Variants in LAMB4 observed in about 807,000 individuals in gnomAD.
The protein encoded by LAMB4 is laminin subunit beta 4, also known as laminin subunit beta-4.
LAMB4 carries 196 observed loss-of-function variants against 199.2 expected under a neutral mutation model. The ratio of observed to expected loss-of-function variants is 0.98; its 90% CI spans 0.88 to 1.11. LAMB4 has a LOEUF of 1.11. Ranked by LOEUF, LAMB4 falls within the 50% of genes least tolerant of loss-of-function variation. The pLI, the probability that LAMB4 is intolerant of heterozygous loss-of-function variation, is 0.00. For synonymous variants in LAMB4, 744 were observed against 770.6 expected (o/e 0.97, Z 0.57); for missense variants, 2,080 against 2,171.2 (o/e 0.96, Z 0.83).
At chr7:108,066,272 C>A in intron 20 of LAMB4, 97 bp downstream of exon 20, 1 of 920,132 alleles carries the variant, frequency 1.1e-6, no homozygotes. Flanking sequence ...CCCTCCCACA[C>A]TTAAATATTG....
chr7:108,067,660 G>A (rs776978715), intron 19 of LAMB4, among the ~76,000 whole-genome samples: 1 of 152,212 alleles, frequency 6.6e-6, no homozygotes, highest in African/African-American at 2.4e-5. Context: ...TCCAGCCACT[G>A]GGTTTGTGAG....
intron 1 of LAMB4, among the ~76,000 whole-genome samples, chr7:108,128,502 G>A (rs2038873496): frequency 1.3e-5 from 2 of 152,110 alleles, no homozygotes; most frequent in African/African-American, 2.4e-5. Flanking sequence ...CCTTAGCTAT[G>A]GGCCTTATCA....
chr7:108,092,873 C>T (rs1016810905), intron 12 of LAMB4, among the ~76,000 whole-genome samples: 6 of 152,094 alleles, frequency 3.9e-5, no homozygotes, highest in Non-Finnish European at 5.9e-5. Flanking sequence ...CACTGTACTC[C>T]AGCCTGGATG....
rs980318165 is a variant in LAMB4, at chr7:108,052,377, T to C, written c.3756-120A>G. 5.9e-6 allele frequency: 4 copies of C among 677,520 alleles called. No individual in the cohort carries two copies. In the African/African-American group the frequency reaches 7.2e-5, roughly 12 times the overall value. The allele number at this position is 677,520 out of a possible 1,614,324, so 42.0% of individuals were successfully genotyped here. A position where few individuals can be genotyped will look rare whatever the true frequency, so the allele number is the denominator to read the frequency against. ...ATTCTTGATTAGAAGGGATTCCTTC[T>C]ACTCGAGTTTTTCATTTGACGGTTT... is the stretch of plus-strand genomic sequence containing the variant. On this transcript the variant is annotated intron_variant, in intron 25 of 33. Transcript: ENST00000388781.
chr7:108,075,889 G>A, intron 17 of LAMB4: 1 of 163,424 alleles, frequency 6.1e-6, no homozygotes. Context: ...GCACTCAGGA[G>A]GCGGAGGTTG....
intron 1 of LAMB4, among the ~76,000 whole-genome samples, chr7:108,125,661 T>C (rs1322256649): frequency 6.6e-6 from 1 of 152,164 alleles, no homozygotes; most frequent in Non-Finnish European, 1.5e-5. Context: ...CTACAAATGA[T>C]GGGCTAATCT....
At chr7:108,118,494 A>T (rs2150688311) in intron 2 of LAMB4, among the ~76,000 whole-genome samples, 1 of 152,284 alleles carries the variant, frequency 6.6e-6, no homozygotes, top group African/African-American at 2.4e-5. Context: ...TGTCCTACTG[A>T]TTTTTGAGGT....
At chr7:108,028,475 T>A (rs924549886) in intron 33 of LAMB4, among the ~76,000 whole-genome samples, 4 of 143,724 alleles carry the variant, frequency 2.8e-5, no homozygotes, top group Admixed American at 6.9e-5. Context: ...AAAGGGCATT[T>A]TTTTTTTTTT....
chr7:108,070,260 G>T (rs2036488103), intron 17 of LAMB4, among the ~76,000 whole-genome samples: 1 of 152,220 alleles, frequency 6.6e-6, no homozygotes, highest in Non-Finnish European at 1.5e-5. Flanking sequence ...CTAAACCTGT[G>T]CAGATACATC....
At chr7:108,083,409 C>T (rs1346153278) in intron 14 of LAMB4, among the ~76,000 whole-genome samples, 1 of 152,192 alleles carries the variant, frequency 6.6e-6, no homozygotes, top group Non-Finnish European at 1.5e-5. Context: ...TGAGAACCAG[C>T]CATTCTATGG....
chr7:108,092,517 G>A, intron 12 of LAMB4, 101 bp from the exon 13 acceptor site: 5 of 849,244 alleles, frequency 5.9e-6, no homozygotes, highest in Non-Finnish European at 1.0e-5. Context: ...ACGTCAAATA[G>A]CCAAACAGCC....
chr7:108,034,126 A>AT, intron 31 of LAMB4, 82 bp downstream of exon 31: 1 of 1,313,548 alleles, frequency 7.6e-7, no homozygotes, highest in Non-Finnish European at 1.1e-6. Flanking sequence ...TAAAGCAAGC[A>AT]TAGCATTGGC....
chr7:108,127,174 G>A (rs1034011307), intron 1 of LAMB4, among the ~76,000 whole-genome samples: 5 of 119,106 alleles, frequency 4.2e-5, no homozygotes, highest in Non-Finnish European at 9.5e-5. Context: ...AAATCACCAG[G>A]GTTTTTTTTT....
chr7:108,099,346 T>C (rs1207296117), intron 10 of LAMB4, among the ~76,000 whole-genome samples: 1 of 152,168 alleles, frequency 6.6e-6, no homozygotes, highest in Non-Finnish European at 1.5e-5. Flanking sequence ...AACTCAAGGA[T>C]GGTGTGTCAT....
At chr7:108,051,182 T>A (rs1169366120) in intron 26 of LAMB4, among the ~76,000 whole-genome samples, 2 of 152,204 alleles carry the variant, frequency 1.3e-5, no homozygotes, top group Non-Finnish European at 2.9e-5. Flanking sequence ...TCAGAGTAGA[T>A]TCCTTACTCA....
chr7:108,028,759 G>A (rs943912449), intron 33 of LAMB4, among the ~76,000 whole-genome samples: 1 of 152,140 alleles, frequency 6.6e-6, no homozygotes, highest in African/African-American at 2.4e-5. Context: ...TTACAGGTGT[G>A]AGCCACTGTG....
chr7:108,017,645 C>T, the LAMB4 span, among the ~76,000 whole-genome samples: 5 of 152,056 alleles, frequency 3.3e-5, no homozygotes, highest in Admixed American at 6.5e-5. Flanking sequence ...TACAGGAACT[C>T]CAGAAAAAGG....
In LAMB4 at chr7:108,110,588, C is replaced by T. The variant is rs75716418; in HGVS notation, c.328+1223G>A. Among the ~76,000 whole-genome samples, 125 of 152,260 alleles carry T rather than the reference C, an allele frequency of 8.2e-4. No homozygotes were observed. In the East Asian group the frequency reaches 0.02, roughly 24 times the overall value. On this transcript the variant is annotated intron_variant, in intron 4 of 33. Transcript: ENST00000388781. The stretch of plus-strand genomic sequence containing the variant: ...CAGGCTGAGTGTCAAGGGTCCTAAC[C>T]CTTTCTAGGAAAGAGATCTGTCCCT...
At position 108,037,465 on chromosome 7, in the gene LAMB4, A is replaced by ATC; in HGVS notation, c.4600_4601dup (p.Asp1534GlufsTer10). 1 of 1,614,120 alleles carries ATC rather than the reference A, an allele frequency of 6.2e-7. No homozygotes were observed. Among genetic ancestry groups the ATC allele is most frequent in the East Asian group, 2.2e-5 (1 of 44,888 alleles). ...TTAACCTGTTTTCATCTGTCCTGTAATCCTCACAGAGTTGCATATGTTTCT... is the reference window on the plus strand; with the variant it reads ...TTAACCTGTTTTCATCTGTCCTGTAATCTCCTCACAGAGTTGCATATGTTTCT... On this transcript the variant is annotated frameshift_variant, in exon 30 of 34. Transcript: ENST00000388781. LOFTEE classifies it high-confidence loss of function.
Sources: gnomAD v4.1 joint callset for allele counts (sites outside exome capture counted in the v4.1 genomes callset) on GRCh38, gnomAD v4.1.1 for gene constraint, MANE v1.5 for transcripts, NCBI Gene and HGNC (gene_info 2026-07-23, HGNC 2026-07-21) for gene names.